The following EPC1 variants were observed in gnomAD, a reference collection of about 807,000 sequenced individuals.
EPC1 encodes enhancer of polycomb homolog 1.
Under a neutral mutation model 98.4 loss-of-function variants are expected in EPC1, and 12 were observed. The observed-to-expected ratio is 0.12, with a 90% CI of 0.08 to 0.20. EPC1 has a LOEUF of 0.20. Among genes scored for constraint, EPC1 ranks in the 10% least tolerant of loss-of-function variants. EPC1 has a pLI of 1.00. For missense variants in EPC1, 729 were observed against 990.5 expected (o/e 0.74, Z 3.54); for synonymous variants, 357 against 363.9 (o/e 0.98, Z 0.21).
chr10:32,340,804 T>C (rs1838292658), intron 1 of EPC1, among the ~76,000 whole-genome samples: 1 of 152,026 alleles, frequency 6.6e-6, no homozygotes, highest in Non-Finnish European at 1.5e-5. Flanking sequence ...CTCTCCAGCC[T>C]GGGTGACAGA....
Position 32,330,219 on chromosome 10 carries a change from G to A in EPC1, c.153+16544C>T, listed in dbSNP as rs139175398. Among the ~76,000 whole-genome samples the A allele has an allele frequency of 2.5e-3, 384 of 152,312 alleles. 1 individual carries two copies. The highest frequency in any genetic ancestry group is 8.9e-3 in the African/African-American group (368 of 41,562). On this transcript the variant is annotated intron_variant, in intron 1 of 13. Coordinates refer to ENST00000319778, the MANE Select transcript of EPC1 (RefSeq NM_001272004.3). ...CAATTATAGTCTTGGGAGGACCAGT[G>A]AGGAAGCTACTTAAATTTAGGCAAG...
chr10:32,345,143 A>C lies in EPC1; in HGVS notation c.153+1620T>G, dbSNP rs1472670577. On this transcript the variant is annotated intron_variant, in intron 1 of 13. Transcript: ENST00000319778. ...CACAAGTACTTTAATTTTTAAAAACAAATCACTTATTAAAAAATAAACAAA... is the reference window on the plus strand; with the variant it reads ...CACAAGTACTTTAATTTTTAAAAACCAATCACTTATTAAAAAATAAACAAA... The C allele has an allele frequency of 3.1e-6, 3 of 978,752 alleles. No individual in the cohort carries two copies. The East Asian group carries it at 3.4e-4, about 111-fold the overall frequency. 60.6% of individuals were successfully genotyped at this position (978,752 alleles called of 1,614,324 possible). A position where few individuals can be genotyped will look rare whatever the true frequency, so the allele number is the denominator to read the frequency against.
rs1838138400 is a variant in EPC1 at position 32,338,817 on chromosome 10, G to C, written c.153+7946C>G. ...AAGAACATATGGTGGCATCCTCCTGGAGTTTCAGCTACTCAGGAGGCTGAG... is the reference window on the plus strand; with the variant it reads ...AAGAACATATGGTGGCATCCTCCTGCAGTTTCAGCTACTCAGGAGGCTGAG... On this transcript the variant is annotated intron_variant, in intron 1 of 13. Transcript: ENST00000319778. 2.0e-5 allele frequency among the ~76,000 whole-genome samples: 3 copies of C among 151,866 alleles called. 1 individual carries two copies. The highest frequency in any genetic ancestry group is 2.0e-4 in the Admixed American group (3 of 15,256).
At chr10:32,327,820 T>C (rs185824191) in intron 1 of EPC1, among the ~76,000 whole-genome samples, 47 of 152,298 alleles carry the variant, frequency 3.1e-4, no homozygotes, top group Admixed American at 5.9e-4. Flanking sequence ...AGTAAGAATA[T>C]GGTATTATAA....
chr10:32,304,918 T>TAAAAAAAAA (rs11351207), intron 2 of EPC1, among the ~76,000 whole-genome samples: 1 of 119,448 alleles, frequency 8.4e-6, no homozygotes, highest in Non-Finnish European at 1.7e-5. Context: ...AACTCCGTCT[T>TAAAAAAAAA]AAAAAAAAAA....
intron 1 of EPC1, among the ~76,000 whole-genome samples, chr10:32,356,311 CT>C (rs1489711135): frequency 6.6e-6 from 1 of 152,072 alleles, no homozygotes; most frequent in African/African-American, 2.4e-5. Flanking sequence ...GTGCCAATTG[CT>C]TAGGTAAGCA....
intron 1 of EPC1, among the ~76,000 whole-genome samples, chr10:32,315,390 TTA>T: frequency 6.6e-6 from 1 of 152,330 alleles, no homozygotes; most frequent in Non-Finnish European, 1.5e-5. Context: ...AAAGATTAAA[TTA>T]TATTCATTTA....
chr10:32,329,854 G>A (rs185172603), intron 1 of EPC1, among the ~76,000 whole-genome samples: 12 of 152,306 alleles, frequency 7.9e-5, no homozygotes, highest in Admixed American at 2.6e-4. Context: ...CATGAAAGAT[G>A]ATATTATGAG....
At chr10:32,320,038 G>A (rs1260983138) in intron 1 of EPC1, among the ~76,000 whole-genome samples, 4 of 151,934 alleles carry the variant, frequency 2.6e-5, no homozygotes, top group South Asian at 2.1e-4. Flanking sequence ...AAATGGTTTG[G>A]GAAAAACATA....
chr10:32,355,849 G>T (rs1033644200), intron 1 of EPC1, among the ~76,000 whole-genome samples: 1 of 152,166 alleles, frequency 6.6e-6, no homozygotes, highest in Admixed American at 6.5e-5. Context: ...GACCGCAGGT[G>T]ATCTGCCTGC....
intron 1 of EPC1, among the ~76,000 whole-genome samples, chr10:32,343,442 C>G (rs901044502): frequency 7.2e-5 from 11 of 152,182 alleles, no homozygotes; most frequent in African/African-American, 2.7e-4. Context: ...AACTCCTGAC[C>G]TCAGGTGATC....
At chr10:32,377,968 C>T (rs1288984047) in intron 1 of EPC1, among the ~76,000 whole-genome samples, 1 of 152,058 alleles carries the variant, frequency 6.6e-6, no homozygotes, top group Non-Finnish European at 1.5e-5. Flanking sequence ...ATAAAAGATC[C>T]ACTATTTAGT....
rs568403348 is a variant in EPC1, at chr10:32,286,664, C to A, written c.1391+30G>T. 110 of 1,611,036 alleles carry A rather than the reference C, an allele frequency of 6.8e-5. 4 individuals are homozygous for A. In the South Asian group the frequency reaches 1.2e-3, roughly 17 times the overall value. Reference sequence around the variant, plus strand: ...TCAATCACCCTAATGCCTAAAATATCCTTCTGCTAGGAATACAGAAATACC... The same window carrying A: ...TCAATCACCCTAATGCCTAAAATATACTTCTGCTAGGAATACAGAAATACC... On this transcript the variant is annotated intron_variant, in intron 9 of 13. Coordinates refer to ENST00000319778, the MANE Select transcript of EPC1 (RefSeq NM_001272004.3).
At position 32,293,009 on chromosome 10, in the gene EPC1, A is replaced by G; in HGVS notation, c.645T>C (p.Thr215=). The part of the protein sequence containing the change: ...NDPYVAFRRR[T]EKMQTRKNRK... ...TTACTTTTCGAGTCTGCATTTTTTC[A>G]GTACGCCTTCTAAAAGCCACATAAG... The change falls in exon 4 of 14, where the codon ACT becomes ACC. Residue 215 remains threonine (T), a synonymous_variant. Transcript: ENST00000319778. 1 of 1,588,512 alleles carries G rather than the reference A, an allele frequency of 6.3e-7. No homozygotes were observed. The highest frequency in any genetic ancestry group is 2.3e-5 in the East Asian group (1 of 44,278).
chr10:32,343,085 ATC>A (rs1838474362), intron 1 of EPC1, among the ~76,000 whole-genome samples: 1 of 151,942 alleles, frequency 6.6e-6, no homozygotes, highest in Non-Finnish European at 1.5e-5. Context: ...TTAAACTTTT[ATC>A]TTTTTTTAAA....
At chr10:32,292,366 ATATT>A (rs1271118196) in intron 5 of EPC1, 126 bp downstream of exon 5, 4 of 622,242 alleles carry the variant, frequency 6.4e-6, no homozygotes, top group Admixed American at 3.4e-5. Flanking sequence ...ATCATACCAC[ATATT>A]TAAAGTCTCT....
At chr10:32,297,444 C>A in intron 2 of EPC1, among the ~76,000 whole-genome samples, 2 of 151,950 alleles carry the variant, frequency 1.3e-5, no homozygotes, top group Non-Finnish European at 1.5e-5. Context: ...TGCCACCACG[C>A]CCGGCAAATT....
intron 6 of EPC1, among the ~76,000 whole-genome samples, chr10:32,289,387 C>T (rs1294946527): frequency 6.9e-6 from 1 of 144,766 alleles, no homozygotes; most frequent in African/African-American, 2.6e-5. Context: ...ATGGTCTGGT[C>T]CCTGGCACTG....
intron 1 of EPC1, among the ~76,000 whole-genome samples, chr10:32,365,408 A>C (rs1839570317): frequency 6.6e-6 from 1 of 152,212 alleles, no homozygotes; most frequent in Admixed American, 6.5e-5. Context: ...GTAAGAAAAT[A>C]ATTAGCACAG....
Sources: gnomAD v4.1 joint callset for allele counts (sites outside exome capture counted in the v4.1 genomes callset) on GRCh38, gnomAD v4.1.1 for gene constraint, MANE v1.5 for transcripts, NCBI Gene and HGNC (gene_info 2026-07-23, HGNC 2026-07-21) for gene names.